The following CASP10 variants were observed in gnomAD, a reference collection of about 807,000 sequenced individuals.
CASP10 encodes caspase 10, also known as caspase-10.
Under a neutral mutation model 48.5 loss-of-function variants are expected in CASP10, and 41 were observed. The observed-to-expected ratio is 0.85, with a 90% CI of 0.66 to 1.10. CASP10 has a LOEUF of 1.10. Ranked by LOEUF, CASP10 falls within the 50% of genes least tolerant of loss-of-function variation. The probability of loss-of-function intolerance (pLI) is 0.00; values close to 1 mark genes in which losing one functional copy is unlikely to be tolerated. For missense variants in CASP10, 614 were observed against 614.5 expected (o/e 1.00, Z 0.01); for synonymous variants, 232 against 238.4 (o/e 0.97, Z 0.25).
In CASP10 at chr2:201,209,213, C is replaced by T; in HGVS notation, c.1066C>T (p.Leu356=). Residue 356 remains leucine (L), a synonymous_variant, in exon 9 of 10, where the codon CTG becomes TTG. Transcript: ENST00000286186. The part of the protein sequence containing the change: ...ADGDCFVFCI[L]THGRFGAVYS... Reference sequence around the variant, plus strand: ...CGGGGACTGCTTCGTGTTCTGTATTCTGACCCATGGGAGATTTGGAGCTGT... The same window carrying T: ...CGGGGACTGCTTCGTGTTCTGTATTTTGACCCATGGGAGATTTGGAGCTGT... 6.2e-7 allele frequency: 1 copy of T among 1,614,138 alleles called. No individual in the cohort carries two copies. Among genetic ancestry groups the T allele is most frequent in the Non-Finnish European group, 8.5e-7 (1 of 1,180,004 alleles).
intron 4 of CASP10, among the ~76,000 whole-genome samples, chr2:201,195,539 G>A (rs1944759204): frequency 9.7e-6 from 1 of 103,040 alleles, no homozygotes; most frequent in African/African-American, 4.8e-5. Context: ...AAGACTAAAG[G>A]ACTAAAGAGT....
rs775753149 is a variant in CASP10, at chr2:201,209,192, G to A, written c.1045G>A (p.Asp349Asn). The A allele has an allele frequency of 6.2e-7, 1 of 1,613,034 alleles. No individual in the cohort carries two copies. Among genetic ancestry groups the A allele is most frequent in the Non-Finnish European group, 8.5e-7 (1 of 1,179,144 alleles). Residue 349 changes from aspartate to asparagine, a missense_variant, in exon 9 of 10, where the codon GAC (aspartate) becomes AAC (asparagine). Transcript: ENST00000286186. ...QKCNPAHADGDCFVFCILTHG... is the reference protein window; with the variant it reads ...QKCNPAHADGNCFVFCILTHG... ...GTGCAATCCAGCCCATGCCGACGGG[G>A]ACTGCTTCGTGTTCTGTATTCTGAC...
intron 9 of CASP10, chr2:201,214,191 G>A (rs1244462605): frequency 6.6e-6 from 1 of 152,108 alleles, no homozygotes; most frequent in Non-Finnish European, 1.5e-5. Flanking sequence ...TAGGGGGAGG[G>A]ATCCCACTAG....
chr2:201,206,505 T>A (rs944511613), intron 7 of CASP10, among the ~76,000 whole-genome samples: 2 of 148,738 alleles, frequency 1.3e-5, no homozygotes, highest in African/African-American at 4.9e-5. Flanking sequence ...TATGAATATA[T>A]ATCAGCCATC....
intron 3 of CASP10, among the ~76,000 whole-genome samples, chr2:201,189,416 G>C (rs1450018537): frequency 6.6e-6 from 1 of 151,578 alleles, no homozygotes; most frequent in Non-Finnish European, 1.5e-5. Flanking sequence ...TTACAAGCAG[G>C]CACCACCATG....
rs75531838 is a variant in CASP10 at position 201,217,564 on chromosome 2, A to T, written c.1416-24A>T. ...ACAGAGTGAGACTCCGTAAAAAAAA[A>T]TTTTGTTTTCTTCTTTGTTGCAGAC... On this transcript the variant is annotated intron_variant, in intron 9 of 9. Coordinates refer to ENST00000286186, the MANE Select transcript of CASP10 (RefSeq NM_032977.4). 1,951 of 1,585,804 alleles carry T rather than the reference A, an allele frequency of 1.2e-3. 16 individuals carry two copies. In the African/African-American group the frequency reaches 0.019, roughly 15 times the overall value.
At chr2:201,208,297 T>C (rs1224118341) in intron 8 of CASP10, 114 bp downstream of exon 8, 23 of 1,446,696 alleles carry the variant, frequency 1.6e-5, no homozygotes, top group Non-Finnish European at 1.9e-5. Flanking sequence ...AAGGATGATA[T>C]CATGTTTCTG....
chr2:201,196,548 T>C (rs956977132), intron 5 of CASP10, among the ~76,000 whole-genome samples: 17 of 152,192 alleles, frequency 1.1e-4, no homozygotes, highest in African/African-American at 3.9e-4. Flanking sequence ...GGGAGATATG[T>C]GACAGTCTTC....
intron 3 of CASP10, among the ~76,000 whole-genome samples, chr2:201,189,781 T>G (rs1472158303): frequency 6.6e-6 from 1 of 152,126 alleles, no homozygotes; most frequent in Non-Finnish European, 1.5e-5. Flanking sequence ...ACAGGTCACT[T>G]GAGCCTCAGG....
At chr2:201,229,142 G>T in exon 10 of CASP10, 1 of 1,607,492 alleles carries the variant, frequency 6.2e-7, no homozygotes, top group Non-Finnish European at 8.5e-7. Flanking sequence ...GATTGACAAC[G>T]CCCTACAGCA....
Position 201,219,988 on chromosome 2 carries a change from A to G in CASP10, c.*2247A>G. 1.0e-6 allele frequency: 1 copy of G among 985,444 alleles called. No homozygotes were observed. The highest frequency in any genetic ancestry group is 1.2e-6 in the Non-Finnish European group (1 of 829,932). 61.0% of individuals were successfully genotyped at this position (985,444 alleles called of 1,614,324 possible). ...ATGTGAATGCTCATAAAAAAATGTCAAGGAATGAAGAACAACAACTCTCAG... is the reference window on the plus strand; with the variant it reads ...ATGTGAATGCTCATAAAAAAATGTCGAGGAATGAAGAACAACAACTCTCAG... On this transcript the variant is annotated 3_prime_UTR_variant, in exon 10 of 10. Coordinates refer to ENST00000286186, the MANE Select transcript of CASP10 (RefSeq NM_032977.4).
intron 5 of CASP10, among the ~76,000 whole-genome samples, chr2:201,202,126 C>T (rs1945040758): frequency 6.6e-6 from 1 of 152,202 alleles, no homozygotes. Flanking sequence ...GCTGGGATTA[C>T]AGGCGTGAGC....
At chr2:201,207,193 CTT>C (rs1945234315) in intron 7 of CASP10, among the ~76,000 whole-genome samples, 2 of 152,152 alleles carry the variant, frequency 1.3e-5, no homozygotes, top group African/African-American at 4.8e-5. Context: ...AAAAAAGAAT[CTT>C]TGAAATTTTA....
At chr2:201,188,638 C>T (rs1233125413) in intron 3 of CASP10, among the ~76,000 whole-genome samples, 3 of 152,158 alleles carry the variant, frequency 2.0e-5, no homozygotes, top group South Asian at 2.1e-4. Context: ...ATTGCACACT[C>T]GTGGTGCAGT....
rs781583519 is a variant in CASP10, at chr2:201,219,149, A to T, written c.*1408A>T. ...GCCAGGTGTGGCGGCGAGCACCTGT[A>T]ATCCCAGCTACTCGGGAGGCTGAGA... On this transcript the variant is annotated 3_prime_UTR_variant, in exon 10 of 10. Coordinates refer to ENST00000286186, the MANE Select transcript of CASP10 (RefSeq NM_032977.4). 4.4e-6 allele frequency: 1 copy of T among 227,412 alleles called. No individual in the cohort carries two copies. Among genetic ancestry groups the T allele is most frequent in the Non-Finnish European group, 7.3e-6 (1 of 136,882 alleles). The allele number at this position is 227,412 out of a possible 1,614,324, so 14.1% of individuals were successfully genotyped here. A position where few individuals can be genotyped will look rare whatever the true frequency, so the allele number is the denominator to read the frequency against.
At chr2:201,194,970 G>T (rs901935990) in intron 4 of CASP10, among the ~76,000 whole-genome samples, 1 of 152,064 alleles carries the variant, frequency 6.6e-6, no homozygotes, top group African/African-American at 2.4e-5. Context: ...GTAGAGATGG[G>T]ATTTCACCAT....
In CASP10 at chr2:201,208,079, C is replaced by T. The variant is rs1321228325; in HGVS notation, c.818C>T (p.Ala273Val). Residue 273 changes from alanine to valine, a missense_variant, in exon 8 of 10, where the codon GCA (alanine) becomes GTA (valine). Physicochemically the swap from Ala to Val is moderately conservative, Grantham distance 64. Coordinates refer to ENST00000286186, the MANE Select transcript of CASP10 (RefSeq NM_032977.4). ...TLNSETSTKR[A>V]AVYRMNRNHR... Reference sequence around the variant, plus strand: ...TGGCTCTATCTATTCTTCAAGAGGGCAGCTGTGTACAGGATGAATCGGAAC... The same window carrying T: ...TGGCTCTATCTATTCTTCAAGAGGGTAGCTGTGTACAGGATGAATCGGAAC... The T allele has an allele frequency of 6.2e-7, 1 of 1,611,628 alleles. No individual in the cohort carries two copies. The highest frequency in any genetic ancestry group is 1.7e-5 in the Admixed American group (1 of 59,980).
At position 201,183,270 on chromosome 2, in the gene CASP10, C is replaced by T. The variant is rs1192887336; in HGVS notation, c.-46C>T. 2.0e-5 allele frequency: 3 copies of T among 152,172 alleles called. No homozygotes were observed. The highest frequency in any genetic ancestry group is 4.4e-5 in the Non-Finnish European group (3 of 68,038). The allele number at this position is 152,172 out of a possible 1,614,324, so 9.4% of individuals were successfully genotyped here. ...TGTTTTCAGGCAATTTCCCTGAGAA[C>T]CGTTTACTTCCAGAAGATTGGTGGA... On this transcript the variant is annotated 5_prime_UTR_variant, in exon 1 of 10. Transcript: ENST00000286186.
chr2:201,190,413 T>A (rs952307647), intron 3 of CASP10, among the ~76,000 whole-genome samples: 1 of 152,200 alleles, frequency 6.6e-6, no homozygotes, highest in Non-Finnish European at 1.5e-5. Flanking sequence ...TGTAAGGATC[T>A]TCTGCTTTTG....
Sources: gnomAD v4.1 joint callset for allele counts (sites outside exome capture counted in the v4.1 genomes callset) on GRCh38, gnomAD v4.1.1 for gene constraint, MANE v1.5 for transcripts, NCBI Gene and HGNC (gene_info 2026-07-23, HGNC 2026-07-21) for gene names.